The following ASTN1 variants were observed in gnomAD, a reference collection of about 807,000 sequenced individuals.
The protein encoded by ASTN1 is astrotactin-1.
In ASTN1, 41 loss-of-function variants were observed where a neutral mutation model predicts 140.7. The ratio of observed to expected loss-of-function variants is 0.29; its 90% CI spans 0.23 to 0.38. ASTN1 has a LOEUF of 0.38. Ranked by LOEUF, ASTN1 falls within the 10% of genes least tolerant of loss-of-function variation. ASTN1 has a pLI of 1.00. For missense variants in ASTN1, 1,479 were observed against 1,678.8 expected (o/e 0.88, Z 2.08); for synonymous variants, 640 against 652.2 (o/e 0.98, Z 0.29).
At chr1:177,029,272 T>C in intron 5 of ASTN1, 1 of 480,852 alleles carries the variant, frequency 2.1e-6, no homozygotes, top group Non-Finnish European at 4.3e-6. Context: ...CAGGGGTACA[T>C]ATAGTATCCA....
At chr1:176,885,126 C>G (rs144865895) in intron 18 of ASTN1, among the ~76,000 whole-genome samples, 2 of 152,332 alleles carry the variant, frequency 1.3e-5, no homozygotes, top group African/African-American at 4.8e-5. Context: ...GGCCACATGT[C>G]AAGTTCTCCT....
At chr1:176,969,226 T>C (rs1032512719) in intron 8 of ASTN1, among the ~76,000 whole-genome samples, 1 of 152,146 alleles carries the variant, frequency 6.6e-6, no homozygotes, top group Non-Finnish European at 1.5e-5. Flanking sequence ...CTGAGATGCC[T>C]GTAAGCAGGG....
chr1:177,060,985 A>G, intron 2 of ASTN1, 93 bp downstream of exon 2: 1 of 1,215,656 alleles, frequency 8.2e-7, no homozygotes, highest in African/African-American at 1.6e-5. Flanking sequence ...TTACAGAGTT[A>G]GGTCTGATAG....
chr1:176,958,628 A>C, intron 9 of ASTN1, 146 bp from the exon 10 acceptor site: 1 of 1,168,428 alleles, frequency 8.6e-7, no homozygotes, highest in South Asian at 1.9e-5. Context: ...GCAATGACTA[A>C]GTTCTAAGGA....
intron 8 of ASTN1, among the ~76,000 whole-genome samples, chr1:177,011,645 TCACACA>T (rs141786335): frequency 7.0e-6 from 1 of 143,838 alleles, no homozygotes; most frequent in Non-Finnish European, 1.5e-5. Flanking sequence ...CAGGCACCAC[TCACACA>T]CACACACACA....
intron 1 of ASTN1, among the ~76,000 whole-genome samples, chr1:177,078,616 A>G (rs1679034083): frequency 6.6e-6 from 1 of 152,130 alleles, no homozygotes; most frequent in Admixed American, 6.5e-5. Context: ...GAGAGAGTAA[A>G]CTAGTTCCCA....
intron 3 of ASTN1, 127 bp from the exon 4 acceptor site, chr1:177,031,079 G>C (rs1676415085): frequency 3.9e-6 from 4 of 1,021,228 alleles, no homozygotes; most frequent in Non-Finnish European, 5.5e-6. Flanking sequence ...AGCAAACTGA[G>C]AGACTGGCTG....
intron 8 of ASTN1, among the ~76,000 whole-genome samples, chr1:176,970,735 T>TGG (rs1395293454): frequency 6.7e-6 from 1 of 148,566 alleles, no homozygotes; most frequent in Non-Finnish European, 1.5e-5. Context: ...GGTATGGGTG[T>TGG]GTGTGTGTGT....
At chr1:176,945,883 AC>A (rs1557980682) in intron 13 of ASTN1, 42 bp downstream of exon 13, 5 of 1,533,690 alleles carry the variant, frequency 3.3e-6, no homozygotes, top group Non-Finnish European at 4.4e-6. Context: ...GAGAAAGTCC[AC>A]CAACAGTCTT....
At chr1:177,091,648 T>C (rs1679758756) in intron 1 of ASTN1, among the ~76,000 whole-genome samples, 1 of 152,212 alleles carries the variant, frequency 6.6e-6, no homozygotes, top group Non-Finnish European at 1.5e-5. Flanking sequence ...TATTCTCTAA[T>C]TCTAGAACAG....
At chr1:177,157,071 T>C (rs1258294905) in intron 1 of ASTN1, among the ~76,000 whole-genome samples, 3 of 152,216 alleles carry the variant, frequency 2.0e-5, no homozygotes, top group Admixed American at 6.5e-5. Context: ...TGTGGTACCC[T>C]GGGTGAGATC....
At chr1:176,888,621 T>A (rs1446730332) in intron 17 of ASTN1, among the ~76,000 whole-genome samples, 1 of 152,216 alleles carries the variant, frequency 6.6e-6, no homozygotes, top group Non-Finnish European at 1.5e-5. Context: ...TCTCTGTGCA[T>A]CCTTATCTAC....
chr1:176,908,707 G>A lies in ASTN1; in HGVS notation c.2672-13877C>T, dbSNP rs542441374. The stretch of plus-strand genomic sequence containing the variant: ...GGTTAAATGGGATAATACATGCCAG[G>A]CCCTTAGCATGGCTTCTGGTATGTA... On this transcript the variant is annotated intron_variant, in intron 16 of 22. Transcript: ENST00000361833. Among the ~76,000 whole-genome samples the A allele has an allele frequency of 4.6e-4, 70 of 152,218 alleles. 1 individual carries two copies. The highest frequency in any genetic ancestry group is 7.8e-4 in the Admixed American group (12 of 15,292).
chr1:177,113,167 G>C (rs1447226442), intron 1 of ASTN1, among the ~76,000 whole-genome samples: 2 of 152,070 alleles, frequency 1.3e-5, no homozygotes, highest in East Asian at 3.9e-4. Context: ...CAGGCTCAGG[G>C]AGGCACGGGG....
chr1:177,102,587 A>G (rs1178714183), intron 1 of ASTN1, among the ~76,000 whole-genome samples: 1 of 152,216 alleles, frequency 6.6e-6, no homozygotes, highest in Non-Finnish European at 1.5e-5. Flanking sequence ...TCCTAATAAA[A>G]TAAAACAAAG....
intron 8 of ASTN1, among the ~76,000 whole-genome samples, chr1:176,986,634 T>C (rs976373160): frequency 1.7e-4 from 26 of 152,146 alleles, no homozygotes; most frequent in Non-Finnish European, 2.9e-5. Context: ...CGGTTAAGCA[T>C]GTGAATTCAG....
At chr1:177,077,289 G>T (rs1678964160) in intron 1 of ASTN1, among the ~76,000 whole-genome samples, 1 of 151,968 alleles carries the variant, frequency 6.6e-6, no homozygotes, top group Admixed American at 6.6e-5. Flanking sequence ...TGCTCCAATT[G>T]CAGTCACATT....
At chr1:176,912,364 G>A (rs1233665618) in intron 16 of ASTN1, among the ~76,000 whole-genome samples, 1 of 152,014 alleles carries the variant, frequency 6.6e-6, no homozygotes, top group Non-Finnish European at 1.5e-5. Context: ...ATTTATGGAT[G>A]GTAAAATTTA....
At chr1:176,988,317 G>A (rs498648) in intron 8 of ASTN1, among the ~76,000 whole-genome samples, 81,566 of 139,670 alleles carry the variant, frequency 0.58, 23,261 homozygotes, top group African/African-American at 0.62. Context: ...GATATATTGG[G>A]AAAAAAAAAA....
Sources: allele counts gnomAD v4.1 joint callset (sites outside exome capture counted in the v4.1 genomes callset), GRCh38; gene constraint gnomAD v4.1.1; transcripts MANE v1.5; gene names NCBI Gene and HGNC (gene_info 2026-07-23, HGNC 2026-07-21).